Variants in NPLOC4 observed in about 807,000 individuals in gnomAD.
The protein encoded by NPLOC4 is nuclear protein localization protein 4 homolog.
A neutral mutation model predicts 80.6 loss-of-function variants in NPLOC4; 18 were observed. The observed-to-expected ratio is 0.22, with a 90% CI of 0.15 to 0.33. The LOEUF (loss-of-function observed/expected upper bound fraction) is 0.33, where lower values mean the gene tolerates loss of function less well. NPLOC4 is among the 10% of genes least tolerant of loss of function. The pLI is 1.00. For synonymous variants in NPLOC4, 313 were observed against 301.5 expected, an observed-to-expected ratio of 1.04 and a Z score of -0.39; for missense variants, 540 against 786.1, an observed-to-expected ratio of 0.69 and a Z score of 3.74.
intron 16 of NPLOC4, among the ~76,000 whole-genome samples, chr17:81,559,727 CTTTTTTTTTT>C (rs11335414): frequency 4.2e-5 from 4 of 95,712 alleles, no homozygotes; most frequent in African/African-American, 1.6e-4. Context: ...TTGTTTCCAG[CTTTTTTTTTT>C]TTTTTTTTTT....
intron 3 of NPLOC4, among the ~76,000 whole-genome samples, chr17:81,615,100 C>CTTTCTTTTTTT (rs749807551): frequency 5.2e-5 from 7 of 133,574 alleles, no homozygotes; most frequent in Admixed American, 1.6e-4. Context: ...ACGTCTGTTT[C>CTTTCTTTTTTT]TTTTTTTTTT....
intron 16 of NPLOC4, chr17:81,563,427 G>A (rs1254803117): frequency 6.6e-6 from 1 of 152,048 alleles, no homozygotes; most frequent in Non-Finnish European, 1.5e-5. Flanking sequence ...AACATTAGTT[G>A]GGTGTAGTGG....
chr17:81,623,869 CCACTGTGCAGGG>C (rs1057389228), intron 2 of NPLOC4, among the ~76,000 whole-genome samples: 2 of 152,142 alleles, frequency 1.3e-5, no homozygotes, highest in African/African-American at 4.8e-5. Context: ...CATAAAACGT[CCACTGTGCAGGG>C]CACTTTGCTA....
intron 16 of NPLOC4, chr17:81,563,931 C>A (rs778623935): frequency 4.4e-6 from 2 of 454,648 alleles, no homozygotes; most frequent in Non-Finnish European, 8.8e-6. Flanking sequence ...ATAAAGATGG[C>A]AACGCCAGGT....
At chr17:81,601,519 A>G (rs1350478329) in intron 8 of NPLOC4, among the ~76,000 whole-genome samples, 1 of 152,130 alleles carries the variant, frequency 6.6e-6, no homozygotes, top group Non-Finnish European at 1.5e-5. Flanking sequence ...GCCCCTACAA[A>G]GTGCTGGGAT....
At chr17:81,619,569 G>C (rs1366048769) in intron 3 of NPLOC4, among the ~76,000 whole-genome samples, 1 of 135,636 alleles carries the variant, frequency 7.4e-6, no homozygotes, top group African/African-American at 2.8e-5. Flanking sequence ...AAAAAAAAAA[G>C]AAAGAAAAGA....
At chr17:81,570,913 A>C (rs2144054527) in intron 13 of NPLOC4, among the ~76,000 whole-genome samples, 1 of 152,068 alleles carries the variant, frequency 6.6e-6, no homozygotes, top group Middle Eastern at 3.4e-3. Flanking sequence ...AACTGCACTA[A>C]GGCAAAAACT....
intron 16 of NPLOC4, chr17:81,563,751 C>T (rs1016995473): frequency 8.6e-6 from 3 of 350,708 alleles, no homozygotes; most frequent in Admixed American, 3.8e-5. Flanking sequence ...CTCATTGATA[C>T]AAAAATATTA....
chr17:81,622,347 C>T, intron 2 of NPLOC4, 69 bp from the exon 3 acceptor site: 1 of 1,071,056 alleles, frequency 9.3e-7, no homozygotes, highest in East Asian at 2.4e-5. Context: ...CCATACACAC[C>T]AGACACTACT....
intron 8 of NPLOC4, among the ~76,000 whole-genome samples, chr17:81,602,537 T>C (rs886175033): frequency 3.9e-5 from 6 of 151,918 alleles, no homozygotes; most frequent in African/African-American, 1.5e-4. Context: ...ACCCTGTCTC[T>C]ACTAAAATTA....
At chr17:81,617,120 AT>A (rs1361181733) in intron 3 of NPLOC4, among the ~76,000 whole-genome samples, 2 of 152,138 alleles carry the variant, frequency 1.3e-5, no homozygotes, top group Admixed American at 1.3e-4. Flanking sequence ...CACAGCCCGG[AT>A]AGGGAGTCCT....
chr17:81,602,716 A>C (rs2035091803), intron 8 of NPLOC4, among the ~76,000 whole-genome samples: 1 of 151,338 alleles, frequency 6.6e-6, no homozygotes, highest in African/African-American at 2.4e-5. Flanking sequence ...TTAAAAAAAA[A>C]AAAAAAAATC....
chr17:81,634,298 G>A (rs919607043), intron 1 of NPLOC4, among the ~76,000 whole-genome samples: 9 of 151,776 alleles, frequency 5.9e-5, no homozygotes, highest in Non-Finnish European at 1.0e-4. Context: ...ACCATGCCCA[G>A]CCCAGAAACT....
chr17:81,559,543 C>G (rs4076819), intron 16 of NPLOC4, 127 bp from the exon 17 acceptor site: 479,927 of 1,048,756 alleles, frequency 0.46, 118,375 homozygotes, highest in Non-Finnish European at 0.51. Context: ...CAGTGCTGGT[C>G]CTGCCCACAC....
intron 16 of NPLOC4, chr17:81,560,963 G>A (rs1256040546): frequency 6.6e-6 from 1 of 152,038 alleles, no homozygotes; most frequent in Admixed American, 6.6e-5. Flanking sequence ...ACTAATGATA[G>A]TGACTGTTCC....
At chr17:81,604,835 A>C in intron 7 of NPLOC4, 108 bp from the exon 8 acceptor site, 7 of 1,034,808 alleles carry the variant, frequency 6.8e-6, no homozygotes, top group Non-Finnish European at 9.8e-6. Context: ...TTCTTTAAAA[A>C]ACAAACCAAT....
At chr17:81,586,649 A>T (rs986272497) in intron 12 of NPLOC4, among the ~76,000 whole-genome samples, 51 of 151,826 alleles carry the variant, frequency 3.4e-4, no homozygotes, top group African/African-American at 1.2e-3. Context: ...TTTAAGGTAC[A>T]TGGGATACCT....
Position 81,571,076 on chromosome 17 carries a change from C to A in NPLOC4, c.1353+941G>T, listed in dbSNP as rs374217101. Among the ~76,000 whole-genome samples, 28 of 152,182 alleles carry A rather than the reference C, an allele frequency of 1.8e-4. No homozygotes were observed. The East Asian group carries it at 2.9e-3, about 16-fold the overall frequency. ...ATTACACCCTAGGTAGTCTAAAAAC[C>A]AGATGCCTTCACGGCCTAGGTAATA... On this transcript the variant is annotated intron_variant, in intron 13 of 16. Transcript: ENST00000331134.
intron 10 of NPLOC4, among the ~76,000 whole-genome samples, chr17:81,597,041 A>C (rs2144178878): frequency 6.6e-6 from 1 of 152,274 alleles, no homozygotes; most frequent in East Asian, 1.9e-4. Flanking sequence ...TGAACCCGGG[A>C]GGCATTGCTA....
Sources: allele counts gnomAD v4.1 joint callset (sites outside exome capture counted in the v4.1 genomes callset), GRCh38; gene constraint gnomAD v4.1.1; transcripts MANE v1.5; gene names NCBI Gene and HGNC (gene_info 2026-07-23, HGNC 2026-07-21).